HCFC1: variants seen among roughly 807,000 people sequenced by gnomAD.
HCFC1 encodes host cell factor 1.
Under a neutral mutation model 105.5 loss-of-function variants are expected in HCFC1, and 7 were observed. The observed-to-expected ratio is 0.07, with a 90% CI of 0.04 to 0.12. HCFC1 has a LOEUF of 0.12. Among genes scored for constraint, HCFC1 ranks in the 10% least tolerant of loss-of-function variants. The pLI, the probability that HCFC1 is intolerant of heterozygous loss-of-function variation, is 1.00. For missense variants in HCFC1, 1,065 were observed against 1,823.6 expected (o/e 0.58, Z 7.58); for synonymous variants, 918 against 828.1 (o/e 1.11, Z -1.86).
Position 153,952,086 on chromosome X carries a change from G to T in HCFC1, c.5015C>A (p.Ala1672Asp). ...GGTGGCCTGGCCCTCCTGACCCTCG[G>T]CCGACAGGTGCCCCAGCTCCGCCTG... ...VTQAELGHLS[A>D]EGQEGQATTI... Residue 1672 changes from alanine (A) to aspartate (D), a missense_variant, in exon 20 of 26, where the codon GCC becomes GAC. Coordinates refer to ENST00000310441, the MANE Select transcript of HCFC1 (RefSeq NM_005334.3). 1 of 1,159,283 alleles carries T rather than the reference G, an allele frequency of 8.6e-7. No individual in the cohort carries two copies. The highest frequency in any genetic ancestry group is 1.1e-6 in the Non-Finnish European group (1 of 870,746).
In HCFC1 at chrX:153,952,120, T is replaced by G; in HGVS notation, c.4981A>C (p.Thr1661Pro). ...EPMDTSEAAA[T>P]VTQAELGHLS... is the part of the protein sequence containing the mutation. ...TGCCCCAGCTCCGCCTGAGTCACGG[T>G]TGCTGCTGCCTCGGAGGTGTCCATG... is the stretch of plus-strand genomic sequence containing the variant. Residue 1661 changes from threonine (T) to proline (P), a missense_variant, in exon 20 of 26, where the codon ACC (threonine) becomes CCC (proline). By Grantham distance (38) the Thr-to-Pro change is conservative. Around this residue, in one of 17 missense-constraint regions of HCFC1, gnomAD observed 115 missense variants for 143.7 expected, o/e 0.80. Transcript: ENST00000310441. The G allele has an allele frequency of 1.8e-6, 2 of 1,141,992 alleles. No homozygotes were observed. Among genetic ancestry groups the G allele is most frequent in the South Asian group, 2.1e-5 (1 of 48,193 alleles). The allele number at this position is 1,141,992 out of a possible 1,213,427, so 94.1% of individuals were successfully genotyped here. A position where few individuals can be genotyped will look rare whatever the true frequency, so the allele number is the denominator to read the frequency against.
chrX:153,952,209 C>A, intron 19 of HCFC1, 51 bp from the exon 20 acceptor site: 2 of 1,081,009 alleles, frequency 1.9e-6, no homozygotes, highest in Non-Finnish European at 2.4e-6. Context: ...TGGCCAGAAG[C>A]GGGCAGCCCG....
At chrX:153,967,067 G>C (rs2065479818) in intron 1 of HCFC1, among the ~76,000 whole-genome samples, 1 of 112,324 alleles carries the variant, frequency 8.9e-6, no homozygotes, top group African/African-American at 3.2e-5. Flanking sequence ...CTGTCAGGGA[G>C]CACAGCTCCT....
rs782472950 is a variant in HCFC1, at chrX:153,958,683, C to T, written c.1689G>A (p.Ser563=). Residue 563 remains serine, a synonymous_variant, in exon 10 of 26, where the codon TCG becomes TCA. Transcript: ENST00000310441. ...AAATQKIPPS[S]APTVLSVPAG... is the part of the protein sequence containing the mutation. ...CTGGGACACTCAGCACCGTGGGTGC[C>T]GAGGAAGGGGGGATCTTCTGGGTGG... 1.3e-5 allele frequency: 16 copies of T among 1,198,097 alleles called. No individual in the cohort carries two copies. In the Admixed American group the frequency reaches 1.3e-4, roughly 10 times the overall value.
In HCFC1 at chrX:153,953,685, C is replaced by T. The variant is rs370651892; in HGVS notation, c.4419G>A (p.Thr1473=). ...GCGTCAGTGTGGAGGACACGGTTGTCGTGATGGCACTGGAGCTGGTGATGT... is the reference window on the plus strand; with the variant it reads ...GCGTCAGTGTGGAGGACACGGTTGTTGTGATGGCACTGGAGCTGGTGATGT... ...SVNITSSSAI[T]TTVSSTLTRA... is the part of the protein sequence containing the mutation. The change falls in exon 18 of 26, where the codon ACG becomes ACA. Residue 1473 remains threonine (T), a synonymous_variant. Transcript: ENST00000310441. The T allele has an allele frequency of 6.6e-6, 8 of 1,208,969 alleles. No homozygotes were observed. Among genetic ancestry groups the T allele is most frequent in the East Asian group, 5.9e-5 (2 of 33,761 alleles).
intron 5 of HCFC1, among the ~76,000 whole-genome samples, 184 bp downstream of exon 5, chrX:153,962,038 C>G (rs1355341286): frequency 9.0e-6 from 1 of 111,631 alleles, no homozygotes; most frequent in African/African-American, 3.3e-5. Flanking sequence ...CCTCTCCCCC[C>G]TGAATCTGTC....
chrX:153,951,537 C>T, intron 21 of HCFC1, 50 bp from the exon 22 acceptor site: 1 of 1,207,001 alleles, frequency 8.3e-7, no homozygotes, highest in Admixed American at 2.2e-5. Flanking sequence ...CACCTAGAGG[C>T]AGTGCTGCCC....
At chrX:153,957,252 C>G in intron 13 of HCFC1, 62 bp downstream of exon 13, 1 of 1,040,160 alleles carries the variant, frequency 9.6e-7, no homozygotes, top group South Asian at 2.1e-5. Flanking sequence ...CCTTATAACC[C>G]GGACTCCATT....
At chrX:153,953,495 G>A (rs1569546684) in intron 18 of HCFC1, 112 bp downstream of exon 18, 1 of 794,307 alleles carries the variant, frequency 1.3e-6, no homozygotes, top group East Asian at 3.2e-5. Flanking sequence ...CCGGAAAAGG[G>A]ACCAGGAGCG....
intron 1 of HCFC1, among the ~76,000 whole-genome samples, chrX:153,967,581 T>A (rs1557118665): frequency 1.8e-5 from 2 of 111,796 alleles, no homozygotes; most frequent in African/African-American, 6.5e-5. Context: ...GTGCTCATAC[T>A]CCCAATGGGG....
At chrX:153,951,745 A>C in intron 20 of HCFC1, 38 bp from the exon 21 acceptor site, 1 of 1,183,577 alleles carries the variant, frequency 8.4e-7, no homozygotes, top group African/African-American at 1.7e-5. Context: ...AAGACTCGGG[A>C]AACCTGGCTC....
In HCFC1 at chrX:153,953,972, G is replaced by C. The variant is rs2065342125; in HGVS notation, c.4333+94C>G. 2.9e-6 allele frequency: 3 copies of C among 1,030,183 alleles called. No homozygotes were observed. The African/African-American group carries it at 5.6e-5, about 19-fold the overall frequency. 84.9% of individuals were successfully genotyped at this position (1,030,183 alleles called of 1,213,427 possible). On this transcript the variant is annotated intron_variant, in intron 17 of 25. Coordinates refer to ENST00000310441, the MANE Select transcript of HCFC1 (RefSeq NM_005334.3). ...AATTGGGTGCCAAGGAGCCTGACTG[G>C]TGGACTCTGGACGGACCCCCGCCAT... is the stretch of plus-strand genomic sequence containing the variant.
At chrX:153,964,480 A>C in intron 2 of HCFC1, 98 bp downstream of exon 2, 2 of 998,557 alleles carry the variant, frequency 2.0e-6, no homozygotes, top group Non-Finnish European at 2.7e-6. Flanking sequence ...CAGACTCTCA[A>C]GCGTCCCTTC....
chrX:153,952,421 C>G (rs1208286140), intron 19 of HCFC1, 93 bp downstream of exon 19: 1 of 996,124 alleles, frequency 1.0e-6, no homozygotes, highest in East Asian at 3.3e-5. Context: ...TCATGCCACC[C>G]TCGAGGGAAA....
At chrX:153,963,649 A>G (rs2065449492) in intron 3 of HCFC1, among the ~76,000 whole-genome samples, 1 of 112,366 alleles carries the variant, frequency 8.9e-6, no homozygotes, top group South Asian at 3.7e-4. Flanking sequence ...GTGAGGCTGC[A>G]CAGCAGCCCC....
intron 9 of HCFC1, 46 bp from the exon 10 acceptor site, chrX:153,958,812 A>C (rs1264548849): frequency 4.9e-6 from 5 of 1,012,734 alleles, no homozygotes; most frequent in Non-Finnish European, 6.6e-6. Flanking sequence ...GGTGCCACCC[A>C]CCTCCCTGCT....
Position 153,971,607 on chromosome X carries a change from C to A in HCFC1, c.-767G>T. On this transcript the variant is annotated 5_prime_UTR_variant, in exon 1 of 26. Coordinates refer to ENST00000310441, the MANE Select transcript of HCFC1 (RefSeq NM_005334.3). ...AGCCGCCATCTTGAGACTAGCTCCC[C>A]GTTCCCCCCTATTCTCTTCCTCCTA... The A allele has an allele frequency of 3.4e-6, 1 of 293,600 alleles. No homozygotes were observed. Among genetic ancestry groups the A allele is most frequent in the South Asian group, 2.2e-4 (1 of 4,623 alleles). 24.2% of individuals were successfully genotyped at this position (293,600 alleles called of 1,213,427 possible).
chrX:153,955,206 C>G lies in HCFC1; in HGVS notation c.3193G>C (p.Gly1065Arg). Residue 1065 changes from glycine (G) to arginine (R), a missense_variant, in exon 17 of 26, where the codon GGC becomes CGC. Physicochemically the swap from Gly to Arg is moderately radical, Grantham distance 125. Around this residue, in one of 17 missense-constraint regions of HCFC1, gnomAD observed 546 missense variants for 599.9 expected, o/e 0.91. Coordinates refer to ENST00000310441, the MANE Select transcript of HCFC1 (RefSeq NM_005334.3). ...CGGACCACGCTACCATTCTGCTGGC[C>G]CACAGTCGAGGTCACAAGAGAAGCA... The part of the protein sequence containing the change: ...AAASLVTSTV[G>R]QQNGSVVRVC... The G allele has an allele frequency of 8.3e-7, 1 of 1,211,776 alleles. No homozygotes were observed. The highest frequency in any genetic ancestry group is 1.1e-6 in the Non-Finnish European group (1 of 895,379).
chrX:153,950,900 A>G lies in HCFC1; in HGVS notation c.5616T>C (p.Cys1872=). 5.0e-6 allele frequency: 6 copies of G among 1,211,008 alleles called. No homozygotes were observed. The highest frequency in any genetic ancestry group is 6.7e-6 in the Non-Finnish European group (6 of 895,043). Residue 1872 remains cysteine (C), a synonymous_variant, in exon 23 of 26, where the codon TGT becomes TGC. Transcript: ENST00000310441. ...AGATTTCGCTGAAGGGCCCCCGGCCACAGGCATTGATTCCGGCAACACGAA... is the reference window on the plus strand; with the variant it reads ...AGATTTCGCTGAAGGGCCCCCGGCCGCAGGCATTGATTCCGGCAACACGAA... ...YKFRVAGINA[C]GRGPFSEISA... is the part of the protein sequence containing the mutation.
Sources: gnomAD v4.1 joint callset for allele counts (sites outside exome capture counted in the v4.1 genomes callset) on GRCh38, gnomAD v4.1.1 for gene constraint, gnomAD v4.1.1 regional missense constraint, MANE v1.5 for transcripts, NCBI Gene and HGNC (gene_info 2026-07-23, HGNC 2026-07-21) for gene names.